The following ZP3 variants were observed in gnomAD, a reference collection of about 807,000 sequenced individuals.
The protein encoded by ZP3 is zona pellucida glycoprotein 3.
In ZP3, 21 loss-of-function variants were observed where a neutral mutation model predicts 35.6. That is an observed-to-expected ratio of 0.59 (90% CI 0.42 to 0.85). The LOEUF is 0.85. ZP3 is among the 40% of genes least tolerant of loss of function. The probability of loss-of-function intolerance (pLI) is 0.00; values close to 1 mark genes in which losing one functional copy is unlikely to be tolerated. For synonymous variants in ZP3, 207 were observed against 214.5 expected, an observed-to-expected ratio of 0.96 and a Z score of 0.31; for missense variants, 437 against 536.5, an observed-to-expected ratio of 0.81 and a Z score of 1.83.
chr7:76,411,089 T>C (rs1186400363), intron 1 of ZP3, among the ~76,000 whole-genome samples: 1 of 151,576 alleles, frequency 6.6e-6, no homozygotes, highest in African/African-American at 2.4e-5. Context: ...TGCCCGCACC[T>C]GTCCTTCCTC....
chr7:76,415,364 C>CGAAAAAAAAAAAAAAA (rs1805343618), intron 1 of ZP3, among the ~76,000 whole-genome samples: 1 of 63,532 alleles, frequency 1.6e-5, no homozygotes, highest in African/African-American at 8.1e-5. Flanking sequence ...GACTCCGTCT[C>CGAAAAAAAAAAAAAAA]AAAAAAAAAA....
upstream of ZP3, among the ~76,000 whole-genome samples, chr7:76,422,678 CAAAA>C (rs762988192): frequency 1.0e-5 from 1 of 97,126 alleles, no homozygotes. Context: ...GATTCCGTCT[CAAAA>C]AAAAAAAAAA....
chr7:76,437,660 T>G (rs1563704390), intron 5 of ZP3, among the ~76,000 whole-genome samples: 4 of 127,212 alleles, frequency 3.1e-5, no homozygotes, highest in Admixed American at 8.2e-5. Flanking sequence ...CTAATTTCTG[T>G]ATTTTTTTTT....
intron 1 of ZP3, among the ~76,000 whole-genome samples, chr7:76,408,097 A>G (rs80078499): frequency 0.079 from 12,007 of 152,128 alleles, 658 homozygotes; most frequent in Middle Eastern, 0.17. Flanking sequence ...AGGCGGCGGT[A>G]GAGAGGATGG....
At chr7:76,426,606 C>G (rs1429258649) in intron 1 of ZP3, among the ~76,000 whole-genome samples, 1 of 152,094 alleles carries the variant, frequency 6.6e-6, no homozygotes, top group Non-Finnish European at 1.5e-5. Flanking sequence ...TAGAGGCTCA[C>G]AAACATGTCT....
chr7:76,424,070 C>T (rs576196131), upstream of ZP3, among the ~76,000 whole-genome samples: 1 of 152,230 alleles, frequency 6.6e-6, no homozygotes, highest in East Asian at 1.9e-4. Context: ...CTCCTGTCTC[C>T]TAATTGATAC....
chr7:76,426,211 T>C (rs936010320), intron 1 of ZP3, among the ~76,000 whole-genome samples: 2 of 152,022 alleles, frequency 1.3e-5, no homozygotes, highest in African/African-American at 4.8e-5. Flanking sequence ...GCTTAACCTG[T>C]GGTACATGCA....
At chr7:76,408,475 C>A (rs143050867) in intron 1 of ZP3, among the ~76,000 whole-genome samples, 63 of 152,226 alleles carry the variant, frequency 4.1e-4, no homozygotes, top group Admixed American at 2.2e-3. Flanking sequence ...GCCTCAGTGC[C>A]ACCCACTTCT....
chr7:76,427,979 G>A (rs2115894552), intron 1 of ZP3, among the ~76,000 whole-genome samples: 1 of 152,156 alleles, frequency 6.6e-6, no homozygotes, highest in South Asian at 2.1e-4. Flanking sequence ...CAGCCCTCAA[G>A]TAGTTTTTAA....
At chr7:76,410,674 T>C (rs1805218518) in intron 1 of ZP3, among the ~76,000 whole-genome samples, 1 of 152,068 alleles carries the variant, frequency 6.6e-6, no homozygotes, top group African/African-American at 2.4e-5. Flanking sequence ...CTGGTCATGA[T>C]GCTGTTTCCT....
At chr7:76,423,074 AGAAAGAAAG>A (rs1241512327), upstream of ZP3, among the ~76,000 whole-genome samples, 10 of 147,272 alleles carry the variant, frequency 6.8e-5, 1 homozygote, top group East Asian at 6.5e-4. Flanking sequence ...AAAGAAAGAA[AGAAAGAAAG>A]AAAAGAAATT....
chr7:76,415,451 C>T (rs980984378), intron 1 of ZP3, among the ~76,000 whole-genome samples: 2 of 149,176 alleles, frequency 1.3e-5, no homozygotes, highest in African/African-American at 5.0e-5. Context: ...CTGGGGGTGG[C>T]GGGAGTGGAT....
At position 76,425,034 on chromosome 7, in the gene ZP3, C is replaced by T. The variant is rs758119087; in HGVS notation, c.70C>T (p.Pro24Ser). Reference protein sequence around the residue: ...WGSTELCYPQPLWLLQGGASH... With the variant: ...WGSTELCYPQSLWLLQGGASH... The stretch of plus-strand genomic sequence containing the variant: ...TAGTACTGAGCTGTGCTACCCCCAA[C>T]CCCTCTGGCTCTTGCAGGGTGGAGC... The change falls in exon 1 of 8, where the codon CCC becomes TCC. Residue 24 changes from proline to serine, a missense_variant. Pro to Ser is a moderately conservative substitution (Grantham distance 74). Transcript: ENST00000394857. 208 of 1,599,456 alleles carry T rather than the reference C, an allele frequency of 1.3e-4. No homozygotes were observed. The highest frequency in any genetic ancestry group is 1.7e-4 in the Non-Finnish European group (194 of 1,173,550).
At chr7:76,397,679 ATGG>A in exon 1 of ZP3, 8 of 1,613,236 alleles carry the variant, frequency 5.0e-6, no homozygotes, top group African/African-American at 1.3e-5. Flanking sequence ...GGTGGCGGCC[ATGG>A]CCGCCCCGCA....
chr7:76,402,789 C>A (rs562823294), intron 1 of ZP3, among the ~76,000 whole-genome samples: 2 of 152,336 alleles, frequency 1.3e-5, no homozygotes, highest in Non-Finnish European at 2.9e-5. Flanking sequence ...CCTGCCTCAA[C>A]CTCCCAAGTA....
chr7:76,425,588 T>A (rs1805627262), intron 1 of ZP3, among the ~76,000 whole-genome samples: 1 of 151,654 alleles, frequency 6.6e-6, no homozygotes, highest in Non-Finnish European at 1.5e-5. Flanking sequence ...AGGATAGCCC[T>A]GTGGGTAGCC....
intron 1 of ZP3, among the ~76,000 whole-genome samples, chr7:76,399,898 G>A (rs1398915904): frequency 1.3e-5 from 2 of 152,118 alleles, no homozygotes; most frequent in African/African-American, 4.8e-5. Flanking sequence ...TACTGAGGCG[G>A]GAGAATCCCT....
chr7:76,429,709 G>A (rs1338365256), intron 2 of ZP3, 76 bp downstream of exon 2: 5 of 1,244,504 alleles, frequency 4.0e-6, no homozygotes, highest in Middle Eastern at 1.9e-4. Flanking sequence ...GGCTGGCTAT[G>A]GGCTACAGCT....
At position 76,433,277 on chromosome 7, in the gene ZP3, C is replaced by T. The variant is rs59120492; in HGVS notation, c.536-193C>T. On this transcript the variant is annotated intron_variant, in intron 3 of 7. Transcript: ENST00000394857. The stretch of plus-strand genomic sequence containing the variant: ...TCAAACGATTCTCCTGCCTCAGCCT[C>T]CCGAGTAACTGGGACTACAGGCTTC... Among the ~76,000 whole-genome samples, 1,470 of 151,812 alleles carry T rather than the reference C, an allele frequency of 9.7e-3. 25 individuals are homozygous for T. Among genetic ancestry groups the T allele is most frequent in the African/African-American group, 0.034 (1,418 of 41,428 alleles).
Sources: allele counts gnomAD v4.1 joint callset (sites outside exome capture counted in the v4.1 genomes callset), GRCh38; gene constraint gnomAD v4.1.1; transcripts MANE v1.5; gene names NCBI Gene and HGNC (gene_info 2026-07-23, HGNC 2026-07-21).